The following NR2F1-AS1 variants were observed in gnomAD, a reference collection of about 807,000 sequenced individuals.
NR2F1-AS1 encodes NR2F1 antisense RNA 1.
intron 4 of NR2F1-AS1, among the ~76,000 whole-genome samples, chr5:93,477,298 CAACATT>C (rs1750505541): frequency 6.6e-6 from 1 of 152,106 alleles, no homozygotes. Context: ...CTAATGTACA[CAACATT>C]AACATCACAT....
In NR2F1-AS1 at chr5:93,481,821, A is replaced by G. The variant is rs573868045; in HGVS notation, n.638+71940T>C. The stretch of plus-strand genomic sequence containing the variant: ...TTCTTTAAAAAAAATAGGTTAAGAA[A>G]GAAATCACTAGAAAAACAGAAAAAT... On this transcript the variant is annotated intron_variant and non_coding_transcript_variant, in intron 4 of 5. Coordinates refer to ENST00000660523, the Ensembl canonical transcript of NR2F1-AS1. Among the ~76,000 whole-genome samples, 9 of 152,284 alleles carry G rather than the reference A, an allele frequency of 5.9e-5. No homozygotes were observed. The East Asian group carries it at 1.4e-3, about 23-fold the overall frequency.
intron 4 of NR2F1-AS1, among the ~76,000 whole-genome samples, chr5:93,499,771 GT>G (rs940845683): frequency 2.0e-5 from 3 of 152,140 alleles, no homozygotes; most frequent in Non-Finnish European, 2.9e-5. Context: ...TAAAGTAAAA[GT>G]TTTTGAAGGA....
At chr5:93,497,670 A>G (rs758745426) in intron 4 of NR2F1-AS1, among the ~76,000 whole-genome samples, 26 of 152,186 alleles carry the variant, frequency 1.7e-4, no homozygotes, top group Non-Finnish European at 2.2e-4. Context: ...CTATCCTCAA[A>G]GTATACTTAA....
chr5:93,512,053 C>A (rs1751309391), intron 4 of NR2F1-AS1, among the ~76,000 whole-genome samples: 1 of 152,120 alleles, frequency 6.6e-6, no homozygotes, highest in Non-Finnish European at 1.5e-5. Flanking sequence ...TGTTATTTTA[C>A]AGTGTGCTCC....
chr5:93,440,164 C>A (rs1470295651), intron 4 of NR2F1-AS1, among the ~76,000 whole-genome samples: 1 of 151,948 alleles, frequency 6.6e-6, no homozygotes, highest in East Asian at 1.9e-4. Flanking sequence ...CTCCCTCAAT[C>A]CTCTTTCTCT....
chr5:93,551,513 G>C (rs1231304948), intron 4 of NR2F1-AS1, among the ~76,000 whole-genome samples: 3 of 152,064 alleles, frequency 2.0e-5, no homozygotes, highest in Non-Finnish European at 4.4e-5. Context: ...AAACTACTGA[G>C]CCATGTAAGA....
rs151257453 is a variant in NR2F1-AS1, at chr5:93,482,103, CA to C, written n.638+71657del. ...AACTATAGAGAAAAATCAATAGGAACAAAAAAAAATGGTTTGTTGATAAAAA... is the reference window on the plus strand; with the variant it reads ...AACTATAGAGAAAAATCAATAGGAACAAAAAAAATGGTTTGTTGATAAAAA... On this transcript the variant is annotated intron_variant and non_coding_transcript_variant, in intron 4 of 5. Transcript: ENST00000660523. Among the ~76,000 whole-genome samples the C allele has an allele frequency of 5.5e-3, 819 of 149,662 alleles. 5 individuals are homozygous for C. The highest frequency in any genetic ancestry group is 0.017 in the African/African-American group (709 of 40,890).
intron 4 of NR2F1-AS1, among the ~76,000 whole-genome samples, chr5:93,461,741 A>T (rs897032142): frequency 2.0e-5 from 3 of 152,184 alleles, no homozygotes; most frequent in Non-Finnish European, 4.4e-5. Context: ...TTAAATATGC[A>T]CTACAGATGG....
intron 4 of NR2F1-AS1, among the ~76,000 whole-genome samples, chr5:93,451,737 C>T (rs2149857965): frequency 6.6e-6 from 1 of 152,236 alleles, no homozygotes; most frequent in African/African-American, 2.4e-5. Context: ...ATTGGTTTTT[C>T]CCTACCACTG....
At chr5:93,555,323 A>G (rs2029401) in intron 2 of NR2F1-AS1, among the ~76,000 whole-genome samples, 71,339 of 152,108 alleles carry the variant, frequency 0.47, 19,014 homozygotes, top group East Asian at 0.79. Flanking sequence ...AAGGAAGGAA[A>G]AACTGGCTTT....
chr5:93,531,174 C>A (rs1751728655), intron 4 of NR2F1-AS1, among the ~76,000 whole-genome samples: 1 of 152,070 alleles, frequency 6.6e-6, no homozygotes, highest in South Asian at 2.1e-4. Context: ...TCAAGAAATT[C>A]AAGGAAAGGA....
At chr5:93,584,343 C>G (rs1753185610), upstream of NR2F1-AS1, 1 of 150,166 alleles carries the variant, frequency 6.7e-6, no homozygotes, top group Non-Finnish European at 1.5e-5. Flanking sequence ...CCGCCTCCGC[C>G]CTCGCCGGCT....
Position 93,579,140 on chromosome 5 carries a change from G to T in NR2F1-AS1, n.313+1327C>A, listed in dbSNP as rs1426836039. On this transcript the variant is annotated intron_variant and non_coding_transcript_variant, in intron 1 of 5. Transcript: ENST00000660523. The surrounding 1 kb of genome is among the most constrained non-coding windows in gnomAD (Gnocchi z 5.1). ...CTCAGGCCGGACGAGTTCCAGAGGG[G>T]GACAGCGCCCTCCTCGAAAAGCCTT... 6.6e-6 allele frequency among the ~76,000 whole-genome samples: 1 copy of T among 152,152 alleles called. No homozygotes were observed. The highest frequency in any genetic ancestry group is 1.5e-5 in the Non-Finnish European group (1 of 68,018).
chr5:93,505,822 C>T (rs1751174173), intron 4 of NR2F1-AS1, among the ~76,000 whole-genome samples: 1 of 152,220 alleles, frequency 6.6e-6, no homozygotes, highest in Non-Finnish European at 1.5e-5. Flanking sequence ...GGAGGGCCTG[C>T]TGTGAAGGTC....
At chr5:93,527,656 C>T (rs1008037169) in intron 4 of NR2F1-AS1, among the ~76,000 whole-genome samples, 2 of 152,080 alleles carry the variant, frequency 1.3e-5, no homozygotes, top group Non-Finnish European at 2.9e-5. Context: ...GAGATATAGA[C>T]CAATGGAACA....
intron 4 of NR2F1-AS1, among the ~76,000 whole-genome samples, chr5:93,500,408 T>C (rs746929962): frequency 2.6e-5 from 4 of 152,166 alleles, no homozygotes; most frequent in Non-Finnish European, 5.9e-5. Flanking sequence ...TGACAGTACA[T>C]CTGTTTACTG....
upstream of NR2F1-AS1, chr5:93,584,364 C>G (rs887567303): frequency 6.7e-6 from 1 of 149,458 alleles, no homozygotes; most frequent in Non-Finnish European, 1.5e-5. Flanking sequence ...TCCTCTATGT[C>G]GGCTCAGCCC....
At chr5:93,572,035 A>T (rs1464033116) in intron 1 of NR2F1-AS1, among the ~76,000 whole-genome samples, 3 of 152,160 alleles carry the variant, frequency 2.0e-5, no homozygotes, top group Non-Finnish European at 4.4e-5. Context: ...CTGGGGTGGG[A>T]TAGTGCGCAG....
chr5:93,532,278 T>C (rs1252270309), intron 4 of NR2F1-AS1, among the ~76,000 whole-genome samples: 1 of 152,146 alleles, frequency 6.6e-6, no homozygotes, highest in Non-Finnish European at 1.5e-5. Context: ...ATTTTGGACT[T>C]CTGTCCCTAG....
Sources: gnomAD v4.1 joint callset for allele counts (sites outside exome capture counted in the v4.1 genomes callset) on GRCh38, gnomAD v4.1.1 for gene constraint, Gnocchi (gnomAD v3.1) non-coding constraint, MANE v1.5 for transcripts, NCBI Gene and HGNC (gene_info 2026-07-23, HGNC 2026-07-21) for gene names.